Variants in TRRAP observed in about 807,000 individuals in gnomAD.
TRRAP encodes the protein transformation/transcription domain-associated protein.
A neutral mutation model predicts 438.8 loss-of-function variants in TRRAP; 41 were observed. The ratio of observed to expected loss-of-function variants is 0.09; its 90% confidence interval spans 0.07 to 0.12. The LOEUF is 0.12. Ranked by LOEUF, TRRAP falls within the 10% of genes least tolerant of loss-of-function variation. The pLI is 1.00. For missense variants in TRRAP, 3,122 were observed against 5,055.1 expected (o/e 0.62, Z 11.60); for synonymous variants, 1,994 against 1,962.9 (o/e 1.02, Z -0.42).
chr7:99,005,600 G>A lies in TRRAP; in HGVS notation c.10753+252G>A, dbSNP rs960388227. ...CTAAGGCGAGCTTGTCCAACCTGCG[G>A]GCTCCATGGGGCCCACGATGCCTTT... is the stretch of plus-strand genomic sequence containing the variant. On this transcript the variant is annotated intron_variant, in intron 69 of 72. Transcript: ENST00000456197. This position sits in a 1 kb window ranked among gnomAD's most constrained non-coding sequence, Gnocchi z 5.1. 6.6e-6 allele frequency among the ~76,000 whole-genome samples: 1 copy of A among 152,192 alleles called. No individual in the cohort carries two copies. Among genetic ancestry groups the A allele is most frequent in the African/African-American group, 2.4e-5 (1 of 41,452 alleles).
In TRRAP at chr7:98,927,471, G is replaced by T. The variant is rs1790104464; in HGVS notation, c.3175+105G>T. The T allele has an allele frequency of 5.0e-6, 7 of 1,397,482 alleles. No individual in the cohort carries two copies. In the Admixed American group the frequency reaches 1.9e-4, roughly 37 times the overall value. 86.6% of individuals were successfully genotyped at this position (1,397,482 alleles called of 1,614,324 possible). ...TGTTGTTCTAGAAAAAGCTGAGTTT[G>T]GCTGATTGATTTTCGGCTTTTATTT... On this transcript the variant is annotated intron_variant, in intron 23 of 72. Transcript: ENST00000456197.
chr7:98,988,561 A>G (rs144942701), intron 62 of TRRAP, among the ~76,000 whole-genome samples: 207 of 152,340 alleles, frequency 1.4e-3, no homozygotes, highest in African/African-American at 4.2e-3. Flanking sequence ...GAACCGGTCA[A>G]TCCACAGAGA....
chr7:98,910,681 G>A, intron 16 of TRRAP, 74 bp downstream of exon 16: 1 of 1,290,798 alleles, frequency 7.7e-7, no homozygotes, highest in Admixed American at 2.4e-5. Flanking sequence ...TAGTGGTGGG[G>A]TGGCAGTGAG....
At position 99,011,133 on chromosome 7, in the gene TRRAP, C is replaced by A; in HGVS notation, c.11020C>A (p.Pro3674Thr). 6.2e-7 allele frequency: 1 copy of A among 1,614,182 alleles called. No homozygotes were observed. Among genetic ancestry groups the A allele is most frequent in the Non-Finnish European group, 8.5e-7 (1 of 1,180,046 alleles). The change falls in exon 71 of 73, where the codon CCC becomes ACC. Residue 3674 changes from proline to threonine, a missense_variant. Coordinates refer to ENST00000456197, the MANE Select transcript of TRRAP (RefSeq NM_001375524.1). The surrounding 1 kb of genome is among the most constrained non-coding windows in gnomAD (Gnocchi z 7.1). ...CAAGGAGTGGGCGCTGCACACCTTC[C>A]CCAATGCCACGGACTACTGGACGTT... Reference protein sequence around the residue: ...MLKEWALHTFPNATDYWTFRK... With the variant: ...MLKEWALHTFTNATDYWTFRK...
chr7:98,943,944 C>T (rs1472200135), intron 31 of TRRAP, among the ~76,000 whole-genome samples: 5 of 152,138 alleles, frequency 3.3e-5, no homozygotes, highest in Non-Finnish European at 7.3e-5. Context: ...TTGTTTTGAC[C>T]ATTGTGTGTC....
At chr7:98,964,814 G>A in intron 48 of TRRAP, 39 bp downstream of exon 48, 1 of 1,589,782 alleles carries the variant, frequency 6.3e-7, no homozygotes, top group Non-Finnish European at 8.6e-7. Context: ...CTCAGACTCT[G>A]TTGAACAGAG....
Position 98,937,292 on chromosome 7 carries a change from G to A in TRRAP, c.4233+15G>A, listed in dbSNP as rs367719530. 3.3e-4 allele frequency: 537 copies of A among 1,606,928 alleles called. 1 individual carries two copies. The highest frequency in any genetic ancestry group is 4.3e-4 in the Non-Finnish European group (509 of 1,177,410). On this transcript the variant is annotated intron_variant, in intron 29 of 72. Transcript: ENST00000456197. ...GTATGAGAAAGGTGAGTGTGTGTGC[G>A]TGCGTGTATGCGCACGCGTGTGTGC...
rs1177888510 is a variant in TRRAP at position 98,908,374 on chromosome 7, A to G, written c.1116-354A>G. On this transcript the variant is annotated intron_variant, in intron 13 of 72. Transcript: ENST00000456197. This position sits in a 1 kb window ranked among gnomAD's most constrained non-coding sequence, Gnocchi z 4.1. ...TGTCTCTGTAAAGTGGTCATCATAT[A>G]TAAAGATTGATTGACCCGTCCTATT... 6.6e-6 allele frequency among the ~76,000 whole-genome samples: 1 copy of G among 152,206 alleles called. No homozygotes were observed. The highest frequency in any genetic ancestry group is 2.4e-5 in the African/African-American group (1 of 41,468).
intron 21 of TRRAP, 151 bp from the exon 22 acceptor site, chr7:98,924,961 C>T (rs940996004): frequency 6.4e-5 from 65 of 1,017,744 alleles, no homozygotes; most frequent in Non-Finnish European, 8.5e-5. Context: ...CTGAGATACG[C>T]GCCACTGCAC....
At chr7:98,926,896 G>A (rs1658542660) in intron 22 of TRRAP, among the ~76,000 whole-genome samples, 1 of 152,072 alleles carries the variant, frequency 6.6e-6, no homozygotes, top group South Asian at 2.1e-4. Context: ...GTGGGCACCT[G>A]TAATCCCAGC....
chr7:98,883,518 A>G (rs149933084), intron 3 of TRRAP, among the ~76,000 whole-genome samples: 1 of 152,204 alleles, frequency 6.6e-6, no homozygotes, highest in African/African-American at 2.4e-5. Context: ...TTCTTTGTCT[A>G]GTAATTTATA....
rs183317325 is a variant in TRRAP at position 98,892,951 on chromosome 7, A to C, written c.366+423A>C. Among the ~76,000 whole-genome samples the C allele has an allele frequency of 3.3e-5, 5 of 151,330 alleles. No individual in the cohort carries two copies. The East Asian group carries it at 9.7e-4, about 29-fold the overall frequency. ...TCCAAATTGTTTTCTTGCTTCTCTT[A>C]GTCTTTCTTTTTTTTTTTCTTTTTT... On this transcript the variant is annotated intron_variant, in intron 5 of 72. Transcript: ENST00000456197.
chr7:98,946,525 G>C (rs1428994331), intron 33 of TRRAP, among the ~76,000 whole-genome samples: 2 of 138,274 alleles, frequency 1.4e-5, no homozygotes, highest in Non-Finnish European at 3.1e-5. Context: ...ACACACCAGT[G>C]CACTCACAAC....
chr7:98,946,719 T>G (rs6967970), intron 33 of TRRAP, among the ~76,000 whole-genome samples: 106,892 of 152,220 alleles, frequency 0.7, 42,091 homozygotes, highest in South Asian at 0.87. Flanking sequence ...CTCACAACAT[T>G]GTGCAGCATT....
At chr7:98,983,125 G>C in intron 59 of TRRAP, 139 bp from the exon 60 acceptor site, 1 of 751,700 alleles carries the variant, frequency 1.3e-6, no homozygotes. Flanking sequence ...GGTGTCTGTG[G>C]TGTAAATGAG....
chr7:98,884,274 G>T (rs1584263271), intron 3 of TRRAP, among the ~76,000 whole-genome samples: 1 of 151,878 alleles, frequency 6.6e-6, no homozygotes, highest in East Asian at 1.9e-4. Flanking sequence ...TTAAGATAGG[G>T]TCTCCCTCTG....
At chr7:98,881,006 A>C in intron 1 of TRRAP, 84 bp from the exon 2 acceptor site, 2 of 519,280 alleles carry the variant, frequency 3.9e-6, no homozygotes, top group South Asian at 6.9e-5. Context: ...CGTATCGATT[A>C]TGTAGGCCTT....
Position 99,011,977 on chromosome 7 carries a change from C to A in TRRAP, c.11338-94C>A. ...TCGACTGGCCCTTGGTGGCCCTGAG[C>A]GGCCGCTGTGGTTGAGTCCCACCTT... On this transcript the variant is annotated intron_variant, in intron 72 of 72. Coordinates refer to ENST00000456197, the MANE Select transcript of TRRAP (RefSeq NM_001375524.1). The surrounding 1 kb of genome is among the most constrained non-coding windows in gnomAD (Gnocchi z 7.1). The A allele has an allele frequency of 6.7e-7, 1 of 1,488,646 alleles. No homozygotes were observed. Among genetic ancestry groups the A allele is most frequent in the South Asian group, 1.3e-5 (1 of 75,682 alleles). The allele number at this position is 1,488,646 out of a possible 1,614,324, so 92.2% of individuals were successfully genotyped here.
At chr7:98,998,579 C>A in intron 67 of TRRAP, 1 of 176,164 alleles carries the variant, frequency 5.7e-6, no homozygotes. Flanking sequence ...CATATCCAAG[C>A]ATGAAACAGC....
Sources: allele counts gnomAD v4.1 joint callset (sites outside exome capture counted in the v4.1 genomes callset), GRCh38; gene constraint gnomAD v4.1.1; non-coding constraint Gnocchi (gnomAD v3.1); transcripts MANE v1.5; gene names NCBI Gene and HGNC (gene_info 2026-07-23, HGNC 2026-07-21).